BRAP: variants seen among roughly 807,000 people sequenced by gnomAD.
The protein encoded by BRAP is BRCA1-associated protein.
BRAP carries 42 observed loss-of-function variants against 73.4 expected under a neutral mutation model. That is an observed-to-expected ratio of 0.57 (90% CI 0.45 to 0.74). The LOEUF (loss-of-function observed/expected upper bound fraction) is 0.74. Ranked by LOEUF, BRAP falls within the 30% of genes least tolerant of loss-of-function variation. The pLI is 0.00. For synonymous variants in BRAP, 255 were observed against 267.4 expected, an observed-to-expected ratio of 0.95 and a Z score of 0.45; for missense variants, 593 against 751.4, an observed-to-expected ratio of 0.79 and a Z score of 2.46.
At chr12:111,685,566 G>C (rs1366863140) in intron 1 of BRAP, 145 bp downstream of exon 1, 2 of 1,366,018 alleles carry the variant, frequency 1.5e-6, no homozygotes, top group African/African-American at 1.5e-5. Context: ...AGGCGGATGG[G>C]AAAGAGAGGG....
At chr12:111,683,125 C>T (rs1386650765) in intron 2 of BRAP, 21 bp downstream of exon 2, 2 of 1,607,004 alleles carry the variant, frequency 1.2e-6, no homozygotes, top group African/African-American at 2.7e-5. Context: ...AAAAGAGAGT[C>T]CAGGGTTTTA....
intron 11 of BRAP, 76 bp from the exon 12 acceptor site, chr12:111,644,638 C>T: frequency 1.3e-6 from 2 of 1,548,876 alleles, no homozygotes; most frequent in Admixed American, 3.7e-5. Context: ...TGGGATTGAA[C>T]AGAGAAACCA....
intron 10 of BRAP, among the ~76,000 whole-genome samples, chr12:111,653,506 C>G (rs144535723): frequency 6.6e-6 from 1 of 152,274 alleles, no homozygotes; most frequent in East Asian, 1.9e-4. Context: ...AAACTAAGAA[C>G]CTTTGAATGT....
rs760739625 is a variant in BRAP, at chr12:111,658,767, T to C, written c.1190A>G (p.Gln397Arg). The change falls in exon 9 of 12, where the codon CAG (glutamine) becomes CGG (arginine). Residue 397 changes from glutamine (Q) to arginine (R), a missense_variant. By Grantham distance (43) the Gln-to-Arg change is conservative (BLOSUM62 1). Around this residue, in one of 4 missense-constraint regions of BRAP, gnomAD observed 143 missense variants for 190.4 expected, o/e 0.75. Transcript: ENST00000419234. ...VQYECEGDTC[Q>R]EEKIDALQLE... ...CTGTAAGGCATCTATTTTCTCTTCC[T>C]GGCAAGTATCCCCCTCACATTCATA... The C allele has an allele frequency of 3.5e-5, 57 of 1,610,866 alleles. No individual in the cohort carries two copies.
chr12:111,648,723 C>T (rs183965380), intron 11 of BRAP, among the ~76,000 whole-genome samples: 4 of 152,026 alleles, frequency 2.6e-5, no homozygotes, highest in African/African-American at 7.2e-5. Flanking sequence ...GTCAGGAGAT[C>T]GAGACCATCT....
chr12:111,670,020 T>C, intron 5 of BRAP: 1 of 641,140 alleles, frequency 1.6e-6, no homozygotes, highest in East Asian at 3.3e-5. Context: ...GGAGATTTCC[T>C]CTGGTTCACT....
At chr12:111,655,440 C>A in intron 10 of BRAP, 126 bp downstream of exon 10, 1 of 723,134 alleles carries the variant, frequency 1.4e-6, no homozygotes, top group Non-Finnish European at 2.3e-6. Context: ...CAGTTCTCCA[C>A]CTATTACCTG....
At chr12:111,684,281 G>A (rs1887712425) in intron 1 of BRAP, among the ~76,000 whole-genome samples, 2 of 152,176 alleles carry the variant, frequency 1.3e-5, no homozygotes, top group Non-Finnish European at 1.5e-5. Flanking sequence ...ACTGACCCAT[G>A]CAGATGTCTA....
In BRAP at chr12:111,685,703, G is replaced by A; in HGVS notation, c.82+8C>T. 1 of 1,602,174 alleles carries A rather than the reference G, an allele frequency of 6.2e-7. No homozygotes were observed. Among genetic ancestry groups the A allele is most frequent in the Non-Finnish European group, 8.5e-7 (1 of 1,176,332 alleles). On this transcript the variant is annotated splice_region_variant and intron_variant, in intron 1 of 11. Coordinates refer to ENST00000419234, the MANE Select transcript of BRAP (RefSeq NM_006768.5). The stretch of plus-strand genomic sequence containing the variant: ...CTACAGGGAATGCGGCGAGGCCGCG[G>A]GACTCACCCGCGGCGCTGAAGCCGA...
chr12:111,674,240 TC>T (rs1413056021), intron 4 of BRAP, among the ~76,000 whole-genome samples: 1 of 150,764 alleles, frequency 6.6e-6, no homozygotes, highest in Non-Finnish European at 1.5e-5. Context: ...TACTTATGCT[TC>T]CCCCCCACCT....
rs1338769764 is a variant in BRAP at position 111,649,921 on chromosome 12, T to C, written c.1415+18A>G. On this transcript the variant is annotated intron_variant, in intron 11 of 11. Transcript: ENST00000419234. ...GTTTATAGAGCCTGTTACAACAGAA[T>C]AGACCGATTATACCTACTTTCTTTC... The C allele has an allele frequency of 1.3e-6, 2 of 1,531,672 alleles. No homozygotes were observed. The highest frequency in any genetic ancestry group is 9.0e-7 in the Non-Finnish European group (1 of 1,107,680). 94.9% of individuals were successfully genotyped at this position (1,531,672 alleles called of 1,614,324 possible).
intron 4 of BRAP, among the ~76,000 whole-genome samples, chr12:111,674,313 G>A (rs1791646487): frequency 6.6e-6 from 1 of 152,076 alleles, no homozygotes; most frequent in Non-Finnish European, 1.5e-5. Context: ...CATGACGTCA[G>A]CTCACTGCAA....
chr12:111,659,185 T>G, intron 8 of BRAP, 22 bp downstream of exon 8: 1 of 1,609,096 alleles, frequency 6.2e-7, no homozygotes, highest in Non-Finnish European at 8.5e-7. Context: ...GAGTCCAAAT[T>G]AGAAAAGAGA....
At chr12:111,650,536 G>A (rs1012444617) in intron 10 of BRAP, among the ~76,000 whole-genome samples, 3 of 152,162 alleles carry the variant, frequency 2.0e-5, no homozygotes, top group African/African-American at 7.2e-5. Context: ...AAAATGTTGG[G>A]ATTACAGGCG....
intron 11 of BRAP, among the ~76,000 whole-genome samples, chr12:111,645,571 C>T (rs944514620): frequency 6.6e-6 from 1 of 152,098 alleles, no homozygotes; most frequent in African/African-American, 2.4e-5. Context: ...GACTTCATTG[C>T]ATTTGCTGAA....
In BRAP at chr12:111,659,303, G is replaced by T; in HGVS notation, c.1015C>A (p.Arg339=). 6.2e-7 allele frequency: 1 copy of T among 1,613,944 alleles called. No individual in the cohort carries two copies. The highest frequency in any genetic ancestry group is 1.3e-5 in the African/African-American group (1 of 75,028). ...TTATAAGCATGTCGACTGACATACCGTCCACATCCTATGTGGCCGCATATT... is the reference window on the plus strand; with the variant it reads ...TTATAAGCATGTCGACTGACATACCTTCCACATCCTATGTGGCCGCATATT... The part of the protein sequence containing the change: ...CLICGHIGCG[R]YVSRHAYKHF... The change falls in exon 8 of 12, where the codon CGG becomes AGG. Residue 339 remains arginine, a synonymous_variant. Transcript: ENST00000419234.
At chr12:111,684,238 C>T (rs1204616887) in intron 1 of BRAP, among the ~76,000 whole-genome samples, 1 of 152,102 alleles carries the variant, frequency 6.6e-6, no homozygotes, top group African/African-American at 2.4e-5. Context: ...CAGAGGAAGC[C>T]CTCTAAATGT....
chr12:111,685,491 G>A (rs1887784031), intron 1 of BRAP: 1 of 1,124,236 alleles, frequency 8.9e-7, no homozygotes, highest in African/African-American at 1.6e-5. Context: ...AATGCCCTCA[G>A]ACGGCACAGG....
chr12:111,646,852 T>C (rs908037615), intron 11 of BRAP, among the ~76,000 whole-genome samples: 1 of 152,176 alleles, frequency 6.6e-6, no homozygotes, highest in African/African-American at 2.4e-5. Flanking sequence ...TACCATAGAA[T>C]AGATATACTC....
Sources: gnomAD v4.1 joint callset for allele counts (sites outside exome capture counted in the v4.1 genomes callset) on GRCh38, gnomAD v4.1.1 for gene constraint, gnomAD v4.1.1 regional missense constraint, MANE v1.5 for transcripts, NCBI Gene and HGNC (gene_info 2026-07-23, HGNC 2026-07-21) for gene names.